Variants in PPP2R5E observed in about 807,000 individuals in gnomAD.
PPP2R5E encodes protein phosphatase 2 regulatory subunit B'epsilon, also known as serine/threonine-protein phosphatase 2A 56 kDa regulatory subunit epsilon isoform.
A neutral mutation model predicts 65.3 loss-of-function variants in PPP2R5E; 4 were observed. That is an observed-to-expected ratio of 0.06 (90% CI 0.03 to 0.14). The LOEUF is 0.14. Among genes scored for constraint, PPP2R5E ranks in the 10% least tolerant of loss-of-function variants. The pLI is 1.00. For synonymous variants in PPP2R5E, 183 were observed against 187.4 expected (o/e 0.98, Z 0.19); for missense variants, 274 against 556.1 (o/e 0.49, Z 5.10).
chr14:63,432,155 C>T (rs1277560805), intron 3 of PPP2R5E, among the ~76,000 whole-genome samples: 2 of 151,976 alleles, frequency 1.3e-5, no homozygotes, highest in Non-Finnish European at 2.9e-5. Flanking sequence ...ATTTTCATAA[C>T]ACACAAGGAA....
chr14:63,535,857 T>A (rs1054685859), intron 2 of PPP2R5E, among the ~76,000 whole-genome samples: 2 of 152,342 alleles, frequency 1.3e-5, no homozygotes, highest in East Asian at 1.9e-4. Context: ...TCCTGGTTTC[T>A]CTTAAGGCAA....
intron 4 of PPP2R5E, among the ~76,000 whole-genome samples, chr14:63,421,509 T>G (rs756164228): frequency 6.6e-6 from 1 of 152,228 alleles, no homozygotes; most frequent in Non-Finnish European, 1.5e-5. Flanking sequence ...CAGCTGTTAC[T>G]CTTCCTTACA....
chr14:63,429,492 T>A (rs1459179776), intron 3 of PPP2R5E, among the ~76,000 whole-genome samples: 2 of 152,324 alleles, frequency 1.3e-5, no homozygotes, highest in East Asian at 1.9e-4. Context: ...TAAGACCTCA[T>A]CATGCAAGTA....
chr14:63,441,640 G>A (rs764863283), intron 3 of PPP2R5E, among the ~76,000 whole-genome samples: 4 of 152,264 alleles, frequency 2.6e-5, no homozygotes, highest in Admixed American at 6.5e-5. Context: ...AGCAGGGCGC[G>A]GTGGTTCACG....
At chr14:63,485,825 CT>C (rs770156529) in intron 2 of PPP2R5E, among the ~76,000 whole-genome samples, 7,112 of 130,598 alleles carry the variant, frequency 0.054, 156 homozygotes, top group African/African-American at 0.11. Flanking sequence ...TACTGACAAA[CT>C]TTTTTTTTTT....
At chr14:63,481,294 C>T (rs981421798) in intron 2 of PPP2R5E, among the ~76,000 whole-genome samples, 3 of 151,892 alleles carry the variant, frequency 2.0e-5, no homozygotes, top group African/African-American at 7.3e-5. Flanking sequence ...GTCAGGAGTT[C>T]GAGACCAGCT....
At chr14:63,484,852 G>T (rs78234548) in intron 2 of PPP2R5E, among the ~76,000 whole-genome samples, 3,388 of 152,188 alleles carry the variant, frequency 0.022, 74 homozygotes, top group African/African-American at 0.061. Context: ...ATAGTATCTT[G>T]TAAATTTACA....
At chr14:63,492,939 A>G (rs1566741806) in intron 2 of PPP2R5E, among the ~76,000 whole-genome samples, 2 of 152,148 alleles carry the variant, frequency 1.3e-5, no homozygotes, top group Non-Finnish European at 2.9e-5. Context: ...TCACTTTGTC[A>G]AGCTCTACTA....
chr14:63,501,188 A>G (rs1489902865), intron 2 of PPP2R5E, among the ~76,000 whole-genome samples: 4 of 152,152 alleles, frequency 2.6e-5, no homozygotes, highest in African/African-American at 9.7e-5. Flanking sequence ...TCACCAGGTC[A>G]GGAGATCGAG....
Position 63,461,596 on chromosome 14 carries a change from A to G in PPP2R5E, c.158-7711T>C, listed in dbSNP as rs188651737. ...GGATCGTTTAAAAGCCAGGTGTTTG[A>G]GACTAGCCTAGGCAACACAGCGAGA... On this transcript the variant is annotated intron_variant, in intron 2 of 13. Transcript: ENST00000337537. 6.6e-5 allele frequency among the ~76,000 whole-genome samples: 10 copies of G among 151,096 alleles called. No homozygotes were observed. The East Asian group carries it at 2.0e-3, about 30-fold the overall frequency.
chr14:63,488,448 C>A (rs1891107797), intron 2 of PPP2R5E, among the ~76,000 whole-genome samples: 1 of 152,104 alleles, frequency 6.6e-6, no homozygotes, highest in South Asian at 2.1e-4. Context: ...AGCAATCCTC[C>A]CACTTTGGCC....
At chr14:63,494,360 A>C (rs920453124) in intron 2 of PPP2R5E, among the ~76,000 whole-genome samples, 2 of 151,890 alleles carry the variant, frequency 1.3e-5, no homozygotes, top group African/African-American at 4.8e-5. Flanking sequence ...CAGCCTCCTG[A>C]GTAGCTGGGA....
At chr14:63,411,641 C>T (rs1034853969) in intron 5 of PPP2R5E, among the ~76,000 whole-genome samples, 1 of 134,028 alleles carries the variant, frequency 7.5e-6, no homozygotes, top group South Asian at 2.4e-4. Flanking sequence ...TATTAGCTAC[C>T]GTGAGATGTG....
At chr14:63,418,841 CTTTTT>C (rs772740856) in intron 4 of PPP2R5E, among the ~76,000 whole-genome samples, 16 of 105,084 alleles carry the variant, frequency 1.5e-4, no homozygotes, top group Admixed American at 2.0e-4. Context: ...AATTTTTTTA[CTTTTT>C]TTTTTTTTTT....
chr14:63,526,951 C>T (rs753445051), intron 2 of PPP2R5E, among the ~76,000 whole-genome samples: 1 of 152,202 alleles, frequency 6.6e-6, no homozygotes, highest in African/African-American at 2.4e-5. Flanking sequence ...GGGCGGATCA[C>T]CTGAGGTTGG....
intron 2 of PPP2R5E, among the ~76,000 whole-genome samples, chr14:63,488,611 G>C (rs1277014802): frequency 1.3e-5 from 2 of 152,140 alleles, no homozygotes; most frequent in African/African-American, 4.8e-5. Flanking sequence ...CACTTTGGGA[G>C]GCTGAGTTGG....
At chr14:63,510,494 T>A (rs1358068799) in intron 2 of PPP2R5E, among the ~76,000 whole-genome samples, 4 of 152,204 alleles carry the variant, frequency 2.6e-5, no homozygotes, top group African/African-American at 9.7e-5. Context: ...AGCCAGAGAC[T>A]GGTAAGCAAG....
intron 2 of PPP2R5E, among the ~76,000 whole-genome samples, chr14:63,458,795 G>T (rs1446309523): frequency 6.6e-6 from 1 of 152,014 alleles, no homozygotes; most frequent in Non-Finnish European, 1.5e-5. Context: ...ATCATTCAAT[G>T]AATATCTATA....
chr14:63,436,653 T>G (rs1294310780), intron 3 of PPP2R5E, among the ~76,000 whole-genome samples: 1 of 152,202 alleles, frequency 6.6e-6, no homozygotes, highest in Non-Finnish European at 1.5e-5. Context: ...GAATTAAGTG[T>G]GATATGCCAC....
Sources: gnomAD v4.1 joint callset for allele counts (sites outside exome capture counted in the v4.1 genomes callset) on GRCh38, gnomAD v4.1.1 for gene constraint, MANE v1.5 for transcripts, NCBI Gene and HGNC (gene_info 2026-07-23, HGNC 2026-07-21) for gene names.